GRM8: variants seen among roughly 807,000 people sequenced by gnomAD.
GRM8 encodes metabotropic glutamate receptor 8.
GRM8 carries 47 observed loss-of-function variants against 87.2 expected under a neutral mutation model. The ratio of observed to expected loss-of-function variants is 0.54; its 90% CI spans 0.43 to 0.69. The LOEUF (loss-of-function observed/expected upper bound fraction) is 0.69, where lower values mean the gene tolerates loss of function less well. GRM8 is among the 30% of genes least tolerant of loss of function. The probability of loss-of-function intolerance (pLI) is 0.00; values close to 1 mark genes in which losing one functional copy is unlikely to be tolerated. For missense variants in GRM8, 1,019 were observed against 1,139.2 expected, an observed-to-expected ratio of 0.89 and a Z score of 1.52; for synonymous variants, 396 against 404.5, an observed-to-expected ratio of 0.98 and a Z score of 0.25.
intron 2 of GRM8, among the ~76,000 whole-genome samples, chr7:127,161,887 C>T (rs966796167): frequency 2.0e-5 from 3 of 152,056 alleles, no homozygotes; most frequent in Non-Finnish European, 2.9e-5. Context: ...ACTGATTATA[C>T]GATGTACCCT....
chr7:127,223,443 G>GCA (rs61674303), intron 2 of GRM8, among the ~76,000 whole-genome samples: 13,265 of 143,370 alleles, frequency 0.093, 795 homozygotes, highest in Admixed American at 0.15. Flanking sequence ...ACACACACAC[G>GCA]CACACACACA....
At chr7:126,708,719 C>T (rs1353852972) in intron 7 of GRM8, among the ~76,000 whole-genome samples, 4 of 151,782 alleles carry the variant, frequency 2.6e-5, no homozygotes, top group Admixed American at 1.3e-4. Flanking sequence ...AAAAAAAATA[C>T]CTCATAAACT....
intron 2 of GRM8, among the ~76,000 whole-genome samples, chr7:127,210,653 C>T (rs771881499): frequency 1.1e-4 from 16 of 152,184 alleles, no homozygotes; most frequent in Admixed American, 3.3e-4. Context: ...TTTCCCTAGT[C>T]ACACAACCAG....
At chr7:127,226,801 T>C (rs1488588747) in intron 2 of GRM8, among the ~76,000 whole-genome samples, 1 of 152,242 alleles carries the variant, frequency 6.6e-6, no homozygotes, top group Non-Finnish European at 1.5e-5. Flanking sequence ...TTCTGCTTTT[T>C]GCAGTAAAAA....
chr7:126,488,452 C>A (rs1807617629), intron 9 of GRM8, among the ~76,000 whole-genome samples: 1 of 152,042 alleles, frequency 6.6e-6, no homozygotes, highest in South Asian at 2.1e-4. Context: ...CTAAAAGCCT[C>A]AAGTCTAAAT....
At chr7:127,146,544 A>G (rs2133293350) in intron 2 of GRM8, among the ~76,000 whole-genome samples, 1 of 152,182 alleles carries the variant, frequency 6.6e-6, no homozygotes, top group Non-Finnish European at 1.5e-5. Flanking sequence ...ACAAATTCCA[A>G]GTTTTGGACA....
chr7:126,651,553 C>T (rs62477921), intron 7 of GRM8, among the ~76,000 whole-genome samples: 20,024 of 152,026 alleles, frequency 0.13, 1,597 homozygotes, highest in South Asian at 0.2. Flanking sequence ...TTCCTGGTAC[C>T]GCGACATTAT....
intron 7 of GRM8, among the ~76,000 whole-genome samples, chr7:126,622,563 G>T (rs1800288166): frequency 6.6e-6 from 1 of 151,978 alleles, no homozygotes; most frequent in Admixed American, 6.6e-5. Context: ...CATATCCCAG[G>T]TCCAATCAAA....
intron 8 of GRM8, among the ~76,000 whole-genome samples, chr7:126,559,495 A>G (rs911466240): frequency 1.3e-5 from 2 of 152,178 alleles, no homozygotes; most frequent in Non-Finnish European, 2.9e-5. Context: ...TTTTGACACT[A>G]GTTGGTAAGC....
intron 3 of GRM8, among the ~76,000 whole-genome samples, chr7:127,070,160 G>A (rs1315303991): frequency 6.6e-6 from 1 of 151,910 alleles, no homozygotes; most frequent in Non-Finnish European, 1.5e-5. Context: ...TGGATATCTG[G>A]TAGAGACAAC....
At chr7:126,682,626 G>A (rs898476358) in intron 7 of GRM8, among the ~76,000 whole-genome samples, 6 of 152,162 alleles carry the variant, frequency 3.9e-5, no homozygotes, top group African/African-American at 7.2e-5. Context: ...GTTTTCTGGC[G>A]ACTCGGCCTC....
At chr7:126,440,950 T>G (rs923703749) in intron 10 of GRM8, among the ~76,000 whole-genome samples, 5 of 152,048 alleles carry the variant, frequency 3.3e-5, no homozygotes, top group Non-Finnish European at 7.4e-5. Context: ...AATATAAAAG[T>G]GCTAATCTTT....
chr7:126,907,453 G>GGCTTTCC (rs1802834072), intron 3 of GRM8, among the ~76,000 whole-genome samples: 3 of 152,104 alleles, frequency 2.0e-5, no homozygotes, highest in Non-Finnish European at 4.4e-5. Context: ...ATTGAGGACT[G>GGCTTTCC]CTCAGGGAAA....
chr7:126,986,370 C>A (rs1812070483), intron 3 of GRM8, among the ~76,000 whole-genome samples: 1 of 152,046 alleles, frequency 6.6e-6, no homozygotes, highest in South Asian at 2.1e-4. Flanking sequence ...AAAGAAAATT[C>A]TTTTTATCCT....
chr7:126,805,245 A>C (rs2151720729), intron 6 of GRM8, among the ~76,000 whole-genome samples: 1 of 152,292 alleles, frequency 6.6e-6, no homozygotes, highest in Admixed American at 6.5e-5. Flanking sequence ...AAAGCCAAAA[A>C]TGATCCCCCA....
intron 3 of GRM8, among the ~76,000 whole-genome samples, chr7:126,971,329 A>G (rs928104159): frequency 2.6e-5 from 4 of 152,138 alleles, no homozygotes; most frequent in Non-Finnish European, 5.9e-5. Context: ...CAAATAACCA[A>G]AGAATAGGAG....
intron 3 of GRM8, among the ~76,000 whole-genome samples, chr7:126,975,027 G>C (rs1810842804): frequency 6.7e-6 from 1 of 148,306 alleles, no homozygotes; most frequent in Admixed American, 6.8e-5. Flanking sequence ...ATGCCTCAAA[G>C]CTGAGAGGGC....
At chr7:126,917,849 G>A (rs918566859) in intron 3 of GRM8, among the ~76,000 whole-genome samples, 1 of 152,150 alleles carries the variant, frequency 6.6e-6, no homozygotes, top group African/African-American at 2.4e-5. Flanking sequence ...TCTGGTTCAA[G>A]TTGGACAGAA....
intron 3 of GRM8, among the ~76,000 whole-genome samples, chr7:127,054,997 T>C (rs1748861177): frequency 6.6e-6 from 1 of 151,998 alleles, no homozygotes; most frequent in Non-Finnish European, 1.5e-5. Context: ...TGACTACCCA[T>C]AAGCTATACC....
Sources: allele counts gnomAD v4.1 joint callset (sites outside exome capture counted in the v4.1 genomes callset), GRCh38; gene constraint gnomAD v4.1.1; transcripts MANE v1.5; gene names NCBI Gene and HGNC (gene_info 2026-07-23, HGNC 2026-07-21).